IFT81: variants seen among roughly 807,000 people sequenced by gnomAD.
The protein encoded by IFT81 is intraflagellar transport 81, also known as intraflagellar transport protein 81 homolog.
A neutral mutation model predicts 102.6 loss-of-function variants in IFT81; 72 were observed. The observed-to-expected ratio is 0.70, with a 90% confidence interval of 0.58 to 0.85. The LOEUF (loss-of-function observed/expected upper bound fraction) is 0.85, where lower values mean the gene tolerates loss of function less well. Among genes scored for constraint, IFT81 ranks in the 40% least tolerant of loss-of-function variants. The probability of loss-of-function intolerance (pLI) is 0.00; values close to 1 mark genes in which losing one functional copy is unlikely to be tolerated. For missense variants in IFT81, 723 were observed against 787.3 expected (o/e 0.92, Z 0.98); for synonymous variants, 237 against 242.7 (o/e 0.98, Z 0.22).
intron 1 of IFT81, among the ~76,000 whole-genome samples, chr12:110,125,232 T>TA (rs996564800): frequency 2.4e-4 from 37 of 151,794 alleles, no homozygotes; most frequent in Admixed American, 4.6e-4. Context: ...ATATGGATTT[T>TA]AAAAAAAAAC....
At chr12:110,188,393 C>A (rs1897644844) in intron 12 of IFT81, among the ~76,000 whole-genome samples, 2 of 151,050 alleles carry the variant, frequency 1.3e-5, no homozygotes, top group African/African-American at 4.9e-5. Flanking sequence ...TTTTTGAGAG[C>A]CTTACTCTGC....
chr12:110,133,301 T>C (rs182694538), intron 5 of IFT81, among the ~76,000 whole-genome samples: 1 of 152,156 alleles, frequency 6.6e-6, no homozygotes, highest in Admixed American at 6.5e-5. Context: ...TCATATTTTC[T>C]AAATTTTCTA....
At chr12:110,155,537 C>T (rs533551182) in intron 10 of IFT81, among the ~76,000 whole-genome samples, 56 of 152,158 alleles carry the variant, frequency 3.7e-4, no homozygotes, top group African/African-American at 1.3e-3. Context: ...GTCTTGAACT[C>T]CTGACCTCAG....
chr12:110,136,938 G>T, intron 8 of IFT81, 78 bp downstream of exon 8: 2 of 858,544 alleles, frequency 2.3e-6, no homozygotes, highest in South Asian at 1.8e-5. Flanking sequence ...AAATCAATTT[G>T]TGAGAATTAG....
chr12:110,212,320 A>G (rs1030413029), intron 18 of IFT81, among the ~76,000 whole-genome samples: 12 of 150,878 alleles, frequency 8.0e-5, no homozygotes, highest in African/African-American at 2.9e-4. Flanking sequence ...CAAGGCAGGC[A>G]GATCACTTGA....
intron 8 of IFT81, among the ~76,000 whole-genome samples, chr12:110,138,362 T>C (rs748731845): frequency 2.4e-4 from 37 of 152,160 alleles, no homozygotes; most frequent in Non-Finnish European, 1.5e-5. Flanking sequence ...AAAAGTACTT[T>C]TAGTATGACA....
At chr12:110,186,810 G>A (rs1004990526) in intron 12 of IFT81, among the ~76,000 whole-genome samples, 1 of 152,156 alleles carries the variant, frequency 6.6e-6, no homozygotes, top group African/African-American at 2.4e-5. Flanking sequence ...TTACAGGCAT[G>A]AGCCACCACG....
chr12:110,175,410 G>A (rs1195777203), intron 11 of IFT81, among the ~76,000 whole-genome samples: 2 of 152,170 alleles, frequency 1.3e-5, no homozygotes, highest in Non-Finnish European at 2.9e-5. Context: ...GCTACTCAAA[G>A]TGTGGTCTGA....
chr12:110,149,141 C>T (rs565315496), intron 10 of IFT81, among the ~76,000 whole-genome samples: 6 of 152,258 alleles, frequency 3.9e-5, no homozygotes, highest in African/African-American at 1.4e-4. Context: ...TTATTTAAGT[C>T]ATTTCTAGGC....
At chr12:110,172,939 A>ACGTGG (rs1896821039) in intron 11 of IFT81, among the ~76,000 whole-genome samples, 1 of 138,704 alleles carries the variant, frequency 7.2e-6, no homozygotes, top group African/African-American at 2.7e-5. Context: ...TCCGGGAGGG[A>ACGTGG]GGTGGGGGTC....
At chr12:110,162,628 C>A in intron 10 of IFT81, 1 of 231,274 alleles carries the variant, frequency 4.3e-6, no homozygotes. Flanking sequence ...AGCCACCATG[C>A]CTGGCCTAAT....
intron 8 of IFT81, among the ~76,000 whole-genome samples, chr12:110,138,904 G>T (rs1025097886): frequency 6.6e-6 from 1 of 152,114 alleles, no homozygotes; most frequent in Non-Finnish European, 1.5e-5. Context: ...GAAAGATAAT[G>T]CTTTTAAAAC....
At chr12:110,141,543 A>G (rs1374336528) in intron 8 of IFT81, among the ~76,000 whole-genome samples, 2 of 152,208 alleles carry the variant, frequency 1.3e-5, no homozygotes, top group African/African-American at 4.8e-5. Flanking sequence ...GTATTATGCA[A>G]TCTATTACAC....
intron 9 of IFT81, among the ~76,000 whole-genome samples, chr12:110,145,942 C>T (rs1367750563): frequency 3.3e-5 from 5 of 151,832 alleles, no homozygotes; most frequent in Non-Finnish European, 7.4e-5. Context: ...CCTGGAGTAG[C>T]CAGGACTACA....
At chr12:110,167,789 T>C (rs1171194352) in intron 11 of IFT81, 1 of 221,432 alleles carries the variant, frequency 4.5e-6, no homozygotes, top group Non-Finnish European at 9.0e-6. Flanking sequence ...TTATATACAT[T>C]ATTCTCATTT....
At chr12:110,140,812 C>T (rs1363452908) in intron 8 of IFT81, among the ~76,000 whole-genome samples, 1 of 152,044 alleles carries the variant, frequency 6.6e-6, no homozygotes, top group Non-Finnish European at 1.5e-5. Flanking sequence ...CAACCTCCGC[C>T]TCCCAGGTTC....
intron 11 of IFT81, among the ~76,000 whole-genome samples, chr12:110,175,171 A>G (rs1197938913): frequency 6.6e-6 from 1 of 152,222 alleles, no homozygotes; most frequent in African/African-American, 2.4e-5. Context: ...ATGATACACT[A>G]TGGGAAGCTT....
At chr12:110,135,266 A>G in intron 6 of IFT81, 61 bp from the exon 7 acceptor site, 1 of 1,019,890 alleles carries the variant, frequency 9.8e-7, no homozygotes, top group Admixed American at 2.1e-5. Flanking sequence ...GAGTCACATG[A>G]CATGCTAATT....
chr12:110,139,155 G>T (rs1894692003), intron 8 of IFT81, among the ~76,000 whole-genome samples: 1 of 151,738 alleles, frequency 6.6e-6, no homozygotes, highest in African/African-American at 2.4e-5. Flanking sequence ...GGACAACATG[G>T]CAAAACCCTG....
Sources: gnomAD v4.1 joint callset for allele counts (sites outside exome capture counted in the v4.1 genomes callset) on GRCh38, gnomAD v4.1.1 for gene constraint, MANE v1.5 for transcripts, NCBI Gene and HGNC (gene_info 2026-07-23, HGNC 2026-07-21) for gene names.